DOCK4: variants seen among roughly 807,000 people sequenced by gnomAD.
DOCK4 encodes the protein dedicator of cytokinesis 4, also known as dedicator of cytokinesis protein 4.
DOCK4 carries 97 observed loss-of-function variants against 268.1 expected under a neutral mutation model. The ratio of observed to expected loss-of-function variants is 0.36; its 90% CI spans 0.31 to 0.43. The LOEUF is 0.43. DOCK4 is among the 20% of genes least tolerant of loss of function. The probability of loss-of-function intolerance (pLI) is 1.00; values close to 1 mark genes in which losing one functional copy is unlikely to be tolerated. For missense variants in DOCK4, 2,145 were observed against 2,455.7 expected (o/e 0.87, Z 2.67); for synonymous variants, 954 against 887.2 (o/e 1.08, Z -1.34).
chr7:112,095,063 A>ACTT (rs766183995), intron 1 of DOCK4, among the ~76,000 whole-genome samples: 14 of 152,136 alleles, frequency 9.2e-5, no homozygotes, highest in Non-Finnish European at 1.3e-4. Flanking sequence ...CTAATACAGG[A>ACTT]CTTTTATTGT....
chr7:111,981,538 AAAAC>A (rs1408931909), intron 7 of DOCK4, among the ~76,000 whole-genome samples: 6 of 152,228 alleles, frequency 3.9e-5, no homozygotes, highest in Admixed American at 1.3e-4. Flanking sequence ...GTTGAAGAGA[AAAAC>A]AAAGTAAAAA....
Position 111,791,089 on chromosome 7 carries a change from TATATATATATAA to T in DOCK4, c.3167-496_3167-485del, listed in dbSNP as rs946008330. 4.3e-5 allele frequency among the ~76,000 whole-genome samples: 6 copies of T among 140,652 alleles called. No individual in the cohort carries two copies. In the South Asian group the frequency reaches 8.7e-4, roughly 20 times the overall value. 92.3% of individuals were successfully genotyped at this position (140,652 alleles called of 152,430 possible). On this transcript the variant is annotated intron_variant, in intron 30 of 52. Transcript: ENST00000428084. The stretch of plus-strand genomic sequence containing the variant: ...AAAAAATTATATATATATATATATA[TATATATATATAA>T]AATAAATCATCAGGAATTGGTTATG...
chr7:112,187,260 A>G (rs1056233041), intron 1 of DOCK4, among the ~76,000 whole-genome samples: 1 of 152,100 alleles, frequency 6.6e-6, no homozygotes, highest in African/African-American at 2.4e-5. Context: ...TGCTGAAAAC[A>G]TTTCTCTTCT....
At chr7:112,206,012 G>C in intron 1 of DOCK4, 90 bp downstream of exon 1, 13 of 1,432,266 alleles carry the variant, frequency 9.1e-6, no homozygotes, top group Non-Finnish European at 1.2e-5. Flanking sequence ...TTTTCAACCG[G>C]GCGGAGCGAG....
chr7:112,171,473 G>C (rs1294448474), intron 1 of DOCK4, among the ~76,000 whole-genome samples: 1 of 143,796 alleles, frequency 7.0e-6, no homozygotes, highest in African/African-American at 2.5e-5. Flanking sequence ...TCAGGGATTT[G>C]AAGTTCACTT....
intron 52 of DOCK4, 51 bp from the exon 53 acceptor site, chr7:111,728,771 C>G: frequency 2.0e-6 from 3 of 1,511,144 alleles, no homozygotes; most frequent in East Asian, 2.4e-5. Context: ...GAGTCGTGAA[C>G]GCAGATGCGC....
chr7:111,746,434 G>A lies in DOCK4; in HGVS notation c.4594-17C>T, dbSNP rs778132291. 7.0e-6 allele frequency: 11 copies of A among 1,572,284 alleles called. No individual in the cohort carries two copies. Among genetic ancestry groups the A allele is most frequent in the Non-Finnish European group, 8.7e-6 (10 of 1,153,578 alleles). On this transcript the variant is annotated splice_polypyrimidine_tract_variant and intron_variant, in intron 43 of 52. Transcript: ENST00000428084. ...AAAGAATGCCTAGTAAGGGAAAGGA[G>A]AATCAGTCTACTTTAGTGGAGTACA...
At chr7:112,117,603 T>TTGG (rs1388678126) in intron 1 of DOCK4, among the ~76,000 whole-genome samples, 3 of 152,192 alleles carry the variant, frequency 2.0e-5, no homozygotes, top group African/African-American at 7.2e-5. Flanking sequence ...ACTCCTGACC[T>TTGG]CAGGTGATCC....
At chr7:111,804,460 T>C (rs1171722633) in intron 30 of DOCK4, among the ~76,000 whole-genome samples, 2 of 152,256 alleles carry the variant, frequency 1.3e-5, no homozygotes, top group East Asian at 3.9e-4. Context: ...TTATTGTTTA[T>C]TGGGTATAGA....
At chr7:111,749,129 G>A (rs957157430) in intron 42 of DOCK4, among the ~76,000 whole-genome samples, 2 of 152,138 alleles carry the variant, frequency 1.3e-5, no homozygotes, top group African/African-American at 4.8e-5. Context: ...GAGAAGAGGT[G>A]CACAGGAGGC....
chr7:112,094,535 C>A (rs1010227593), intron 1 of DOCK4, among the ~76,000 whole-genome samples: 11 of 152,082 alleles, frequency 7.2e-5, no homozygotes, highest in African/African-American at 2.7e-4. Context: ...ATGACAACTG[C>A]CTATTAAAAT....
At chr7:111,846,643 C>A (rs1337784740) in intron 24 of DOCK4, among the ~76,000 whole-genome samples, 1 of 151,820 alleles carries the variant, frequency 6.6e-6, no homozygotes, top group African/African-American at 2.4e-5. Flanking sequence ...TAGCCTTTCA[C>A]AGAATGGATC....
At chr7:112,094,167 C>T (rs529494403) in intron 1 of DOCK4, among the ~76,000 whole-genome samples, 1 of 152,142 alleles carries the variant, frequency 6.6e-6, no homozygotes, top group South Asian at 2.1e-4. Context: ...ATAAAACACT[C>T]CTTACTTCAA....
chr7:111,811,237 A>G (rs1265292475), intron 28 of DOCK4, among the ~76,000 whole-genome samples: 2 of 152,162 alleles, frequency 1.3e-5, no homozygotes, highest in Non-Finnish European at 2.9e-5. Context: ...CCAATAAGGA[A>G]ATTTTATAAA....
intron 6 of DOCK4, 114 bp downstream of exon 6, chr7:111,988,899 AAC>A: frequency 7.1e-7 from 1 of 1,409,514 alleles, no homozygotes. Context: ...AAAAACAGGA[AAC>A]ATGAAAAAGC....
At chr7:112,201,658 A>AG (rs746905682) in intron 1 of DOCK4, among the ~76,000 whole-genome samples, 5 of 98,632 alleles carry the variant, frequency 5.1e-5, no homozygotes, top group Admixed American at 4.4e-4. Flanking sequence ...CGGGGTGGGG[A>AG]GGGGGGAGGA....
chr7:111,790,079 T>C (rs1799425690), intron 31 of DOCK4, among the ~76,000 whole-genome samples: 1 of 152,194 alleles, frequency 6.6e-6, no homozygotes, highest in Non-Finnish European at 1.5e-5. Flanking sequence ...TGCTCAAAGC[T>C]AAGCCATTTG....
intron 1 of DOCK4, among the ~76,000 whole-genome samples, chr7:112,096,004 A>C (rs1426143386): frequency 6.6e-6 from 1 of 152,040 alleles, no homozygotes; most frequent in Non-Finnish European, 1.5e-5. Context: ...GCAGAGAATC[A>C]CTTGAACCCG....
intron 12 of DOCK4, among the ~76,000 whole-genome samples, chr7:111,920,738 T>A (rs769595601): frequency 1.2e-4 from 18 of 152,094 alleles, no homozygotes; most frequent in Non-Finnish European, 1.5e-4. Context: ...ACAGTTTTCC[T>A]ACACCCAAGA....
Sources: gnomAD v4.1 joint callset for allele counts (sites outside exome capture counted in the v4.1 genomes callset) on GRCh38, gnomAD v4.1.1 for gene constraint, MANE v1.5 for transcripts, NCBI Gene and HGNC (gene_info 2026-07-23, HGNC 2026-07-21) for gene names.